The following GABRG3 variants were observed in gnomAD, a reference collection of about 807,000 sequenced individuals.
GABRG3 encodes the protein gamma-aminobutyric acid type A receptor subunit gamma3.
A neutral mutation model predicts 48.8 loss-of-function variants in GABRG3; 25 were observed. The observed-to-expected ratio is 0.51, with a 90% CI of 0.37 to 0.72. GABRG3 has a LOEUF of 0.72. Among genes scored for constraint, GABRG3 ranks in the 30% least tolerant of loss-of-function variants. The probability of loss-of-function intolerance (pLI) is 0.00; values close to 1 mark genes in which losing one functional copy is unlikely to be tolerated. For missense variants in GABRG3, 394 were observed against 577.9 expected (o/e 0.68, Z 3.26); for synonymous variants, 227 against 217.6 (o/e 1.04, Z -0.38).
chr15:27,336,234 G>GAGA (rs1555372729), intron 5 of GABRG3, among the ~76,000 whole-genome samples: 7 of 141,056 alleles, frequency 5.0e-5, no homozygotes, highest in African/African-American at 2.0e-4. Context: ...GAGAGAGAGA[G>GAGA]GAGAAGAAAA....
In GABRG3 at chr15:27,046,924, T is replaced by C. The variant is rs191571995; in HGVS notation, c.270+20103T>C. Among the ~76,000 whole-genome samples the C allele has an allele frequency of 3.2e-4, 49 of 152,366 alleles. No individual in the cohort carries two copies. In the South Asian group the frequency reaches 3.5e-3, roughly 11 times the overall value. On this transcript the variant is annotated intron_variant, in intron 3 of 9. Transcript: ENST00000615808. Reference sequence around the variant, plus strand: ...TTATCAAATGAAGTGTTATTGCCACTGTACTTCTTTCTTGTTTTATCAGTT... The same window carrying C: ...TTATCAAATGAAGTGTTATTGCCACCGTACTTCTTTCTTGTTTTATCAGTT...
At chr15:27,104,348 T>G (rs1349126148) in intron 3 of GABRG3, among the ~76,000 whole-genome samples, 1 of 152,240 alleles carries the variant, frequency 6.6e-6, no homozygotes, top group Non-Finnish European at 1.5e-5. Context: ...AGGCGTGGCA[T>G]GAGTCAGTCA....
At chr15:27,427,413 A>T (rs992478075) in intron 5 of GABRG3, among the ~76,000 whole-genome samples, 1 of 152,230 alleles carries the variant, frequency 6.6e-6, no homozygotes. Context: ...CGCCTTGTGC[A>T]TTTGGATCAG....
intron 3 of GABRG3, among the ~76,000 whole-genome samples, chr15:27,264,266 T>TA (rs959890400): frequency 6.1e-4 from 92 of 151,120 alleles, no homozygotes; most frequent in South Asian, 2.3e-3. Context: ...AAAATAAAAA[T>TA]AAAAAAAAAT....
intron 6 of GABRG3, among the ~76,000 whole-genome samples, chr15:27,493,062 C>T (rs1452387100): frequency 6.6e-6 from 1 of 152,142 alleles, no homozygotes; most frequent in African/African-American, 2.4e-5. Context: ...CTCCATAATG[C>T]TTTTCTTCTT....
intron 5 of GABRG3, among the ~76,000 whole-genome samples, chr15:27,441,939 G>A (rs1161228101): frequency 1.3e-5 from 2 of 152,184 alleles, no homozygotes; most frequent in Admixed American, 1.3e-4. Flanking sequence ...AGCATAATGT[G>A]CAGATTTCCC....
chr15:27,317,116 C>T (rs1214871579), intron 3 of GABRG3, among the ~76,000 whole-genome samples: 2 of 152,162 alleles, frequency 1.3e-5, no homozygotes, highest in Non-Finnish European at 2.9e-5. Context: ...TAATAATTTT[C>T]CTGGCCTCTC....
At chr15:27,301,955 C>T (rs114865297) in intron 3 of GABRG3, among the ~76,000 whole-genome samples, 1,834 of 152,122 alleles carry the variant, frequency 0.012, 38 homozygotes, top group African/African-American at 0.042. Flanking sequence ...ATCTAGACTT[C>T]TACATTCAGT....
intron 5 of GABRG3, among the ~76,000 whole-genome samples, chr15:27,427,118 T>C (rs746910660): frequency 6.6e-6 from 1 of 152,242 alleles, no homozygotes; most frequent in Non-Finnish European, 1.5e-5. Context: ...TTCCTTTATA[T>C]AGGATTTATG....
intron 5 of GABRG3, among the ~76,000 whole-genome samples, chr15:27,388,094 G>GAACA (rs1566817610): frequency 2.1e-5 from 1 of 48,276 alleles, no homozygotes; most frequent in South Asian, 8.4e-4. Context: ...AAGGAGGGAG[G>GAACA]AAAGGGAGGG....
rs371626479 is a variant in GABRG3 at position 27,351,587 on chromosome 15, G to T, written c.574+22699G>T. Among the ~76,000 whole-genome samples the T allele has an allele frequency of 1.7e-4, 26 of 150,044 alleles. 1 individual carries two copies. The highest frequency in any genetic ancestry group is 5.6e-4 in the African/African-American group (23 of 40,750). ...TATGGTGTATGTGTGTATGGTGTGT[G>T]TGTATGGCGTTTGTGTGTGTATGGT... On this transcript the variant is annotated intron_variant, in intron 5 of 9. Transcript: ENST00000615808.
rs746647329 is a variant in GABRG3 at position 26,977,083 on chromosome 15, C to T, written c.135C>T (p.Thr45=). The part of the protein sequence containing the change: ...KWVLAPKSQD[T]DVTLILNKLL... ...TCTTGGCTCCAAAATCCCAAGACACCGACGTGACTCTTATTCTCAACAAGT... is the reference window on the plus strand; with the variant it reads ...TCTTGGCTCCAAAATCCCAAGACACTGACGTGACTCTTATTCTCAACAAGT... Residue 45 remains threonine, a synonymous_variant, in exon 2 of 10, where the codon ACC becomes ACT. Coordinates refer to ENST00000615808, the MANE Select transcript of GABRG3 (RefSeq NM_033223.5). 32 of 1,613,646 alleles carry T rather than the reference C, an allele frequency of 2.0e-5. No individual in the cohort carries two copies. The East Asian group carries it at 2.9e-4, about 15-fold the overall frequency.
At chr15:27,042,548 T>G (rs1566917949) in intron 3 of GABRG3, among the ~76,000 whole-genome samples, 1 of 152,120 alleles carries the variant, frequency 6.6e-6, no homozygotes, top group Admixed American at 6.5e-5. Flanking sequence ...TCACCCTCCC[T>G]GGGTGCTGTT....
chr15:27,234,190 A>G (rs1030293918), intron 3 of GABRG3, among the ~76,000 whole-genome samples: 1 of 152,194 alleles, frequency 6.6e-6, no homozygotes, highest in Non-Finnish European at 1.5e-5. Flanking sequence ...GTTCTGTGAC[A>G]TTTGGTTGCT....
At chr15:27,375,639 C>T (rs956855863) in intron 5 of GABRG3, among the ~76,000 whole-genome samples, 10 of 152,172 alleles carry the variant, frequency 6.6e-5, no homozygotes, top group African/African-American at 2.4e-4. Flanking sequence ...TAGGAGCAGA[C>T]AAGAGAAGAC....
intron 2 of GABRG3, among the ~76,000 whole-genome samples, chr15:27,012,094 C>A (rs1034860289): frequency 5.3e-5 from 8 of 152,184 alleles, no homozygotes; most frequent in Middle Eastern, 3.4e-3. Context: ...TTGAATACTG[C>A]AGATCAGATG....
intron 3 of GABRG3, among the ~76,000 whole-genome samples, chr15:27,150,337 G>A (rs1347408834): frequency 6.6e-6 from 1 of 152,142 alleles, no homozygotes; most frequent in East Asian, 1.9e-4. Flanking sequence ...CTTGTGTAAT[G>A]TTTGAATATT....
intron 2 of GABRG3, among the ~76,000 whole-genome samples, chr15:26,979,972 A>G (rs1895022465): frequency 6.6e-6 from 1 of 152,052 alleles, no homozygotes; most frequent in East Asian, 1.9e-4. Flanking sequence ...CTGGGCCAGG[A>G]GATTTCTTTT....
intron 3 of GABRG3, among the ~76,000 whole-genome samples, chr15:27,146,202 C>T (rs1272247891): frequency 6.6e-6 from 1 of 152,146 alleles, no homozygotes; most frequent in Admixed American, 6.5e-5. Flanking sequence ...AACCTGTAAT[C>T]CCAGCACTTT....
Sources: gnomAD v4.1 joint callset for allele counts (sites outside exome capture counted in the v4.1 genomes callset) on GRCh38, gnomAD v4.1.1 for gene constraint, MANE v1.5 for transcripts, NCBI Gene and HGNC (gene_info 2026-07-23, HGNC 2026-07-21) for gene names.